The following ZNF853 variants were observed in gnomAD, a reference collection of about 807,000 sequenced individuals.
ZNF853 encodes zinc finger protein 853.
In ZNF853, 57 loss-of-function variants were observed where a neutral mutation model predicts 94.7. That is an observed-to-expected ratio of 0.60 (90% CI 0.49 to 0.75). The LOEUF (loss-of-function observed/expected upper bound fraction) is 0.75, where lower values mean the gene tolerates loss of function less well. ZNF853 is among the 30% of genes least tolerant of loss of function. The pLI is 0.00. For synonymous variants in ZNF853, 448 were observed against 406.3 expected (o/e 1.10, Z -1.23); for missense variants, 785 against 868.9 (o/e 0.90, Z 1.21).
chr7:6,623,542 T>C lies in ZNF853; in HGVS notation c.*571T>C, dbSNP rs1365913702. 5.1e-6 allele frequency: 2 copies of C among 391,380 alleles called. No homozygotes were observed. Among genetic ancestry groups the C allele is most frequent in the Non-Finnish European group, 9.0e-6 (2 of 222,122 alleles). The allele number at this position is 391,380 out of a possible 1,614,324, so 24.2% of individuals were successfully genotyped here. On this transcript the variant is annotated 3_prime_UTR_variant, in exon 3 of 3. Transcript: ENST00000457543. Reference sequence around the variant, plus strand: ...TTCATCAGGGTGGGTATAATTCTGATGAAAACGCCTGTGTTCATCAACACA... The same window carrying C: ...TTCATCAGGGTGGGTATAATTCTGACGAAAACGCCTGTGTTCATCAACACA...
rs766033324 is a variant in ZNF853, at chr7:6,621,736, C to G, written c.745C>G (p.Gln249Glu). Residue 249 changes from glutamine to glutamate, a missense_variant, in exon 3 of 3, where the codon CAG becomes GAG. Transcript: ENST00000457543. ...QQLLLLQQQG[Q>E]LQQQLLQQQQ... The stretch of plus-strand genomic sequence containing the variant: ...GCTACTATTGCTGCAGCAGCAGGGA[C>G]AGTTACAGCAGCAACTGTTGCAGCA... The G allele has an allele frequency of 1.3e-6, 2 of 1,550,754 alleles. No homozygotes were observed. Among genetic ancestry groups the G allele is most frequent in the Admixed American group, 2.0e-5 (1 of 51,008 alleles).
chr7:6,616,029 C>G lies in ZNF853; in HGVS notation c.-146C>G. On this transcript the variant is annotated 5_prime_UTR_variant, in exon 1 of 3. Coordinates refer to ENST00000457543, the MANE Select transcript of ZNF853 (RefSeq NM_017560.3). ...GAGGGCGTGGACCCTCCGGAGTGCCCAGAAAGCCCCCGGGGTGGCCCTGCG... is the reference window on the plus strand; with the variant it reads ...GAGGGCGTGGACCCTCCGGAGTGCCGAGAAAGCCCCCGGGGTGGCCCTGCG... The G allele has an allele frequency of 8.6e-6, 6 of 698,366 alleles. No homozygotes were observed. The South Asian group carries it at 1.1e-4, about 13-fold the overall frequency. 43.3% of individuals were successfully genotyped at this position (698,366 alleles called of 1,614,324 possible).
Position 6,622,552 on chromosome 7 carries a change from G to A in ZNF853, c.1561G>A (p.Gly521Ser), listed in dbSNP as rs1173601368. 3 of 1,554,862 alleles carry A rather than the reference G, an allele frequency of 1.9e-6. No individual in the cohort carries two copies. The highest frequency in any genetic ancestry group is 2.6e-6 in the Non-Finnish European group (3 of 1,150,232). Residue 521 changes from glycine to serine, a missense_variant, in exon 3 of 3, where the codon GGC (glycine) becomes AGC (serine). Gly to Ser is a moderately conservative substitution (Grantham distance 56, BLOSUM62 0). Transcript: ENST00000457543. ...ACACCGCTGCGGCGAGTGCGGCAAGGGCTTCTCGCAGCACTCGAATCTGGT... is the reference window on the plus strand; with the variant it reads ...ACACCGCTGCGGCGAGTGCGGCAAGAGCTTCTCGCAGCACTCGAATCTGGT... ...RPHRCGECGK[G>S]FSQHSNLVTH...
At position 6,622,230 on chromosome 7, in the gene ZNF853, G is replaced by A; in HGVS notation, c.1239G>A (p.Leu413=). Residue 413 remains leucine (L), a synonymous_variant, in exon 3 of 3, where the codon CTG becomes CTA. Coordinates refer to ENST00000457543, the MANE Select transcript of ZNF853 (RefSeq NM_017560.3). ...CCCCCGTGCAGCCGGAGCTGCAGCT[G>A]GAACTGGTGCCAGCCGCAGGGGGCG... The part of the protein sequence containing the change: ...ELTPVQPELQ[L]ELVPAAGGGG... The A allele has an allele frequency of 2.6e-6, 4 of 1,530,224 alleles. No homozygotes were observed. The highest frequency in any genetic ancestry group is 3.5e-6 in the Non-Finnish European group (4 of 1,142,118). 94.8% of individuals were successfully genotyped at this position (1,530,224 alleles called of 1,614,324 possible). A position where few individuals can be genotyped will look rare whatever the true frequency, so the allele number is the denominator to read the frequency against.
In ZNF853 at chr7:6,622,106, T is replaced by C; in HGVS notation, c.1115T>C (p.Leu372Pro). 2 of 1,544,880 alleles carry C rather than the reference T, an allele frequency of 1.3e-6. No individual in the cohort carries two copies. The highest frequency in any genetic ancestry group is 1.7e-6 in the Non-Finnish European group (2 of 1,146,210). ...QEELQQLEQQLEQQQQQLEQQ... is the reference protein window; with the variant it reads ...QEELQQLEQQPEQQQQQLEQQ... Reference sequence around the variant, plus strand: ...GAGCTGCAGCAGCTGGAGCAACAGCTGGAGCAGCAGCAGCAGCAGCTGGAG... The same window carrying C: ...GAGCTGCAGCAGCTGGAGCAACAGCCGGAGCAGCAGCAGCAGCAGCTGGAG... Residue 372 changes from leucine to proline, a missense_variant, in exon 3 of 3, where the codon CTG becomes CCG. Physicochemically the swap from Leu to Pro is moderately conservative, Grantham distance 98. Transcript: ENST00000457543.
rs1782638647 is a variant in ZNF853 at position 6,622,261 on chromosome 7, G to A, written c.1270G>A (p.Ala424Thr). Residue 424 changes from alanine (A) to threonine (T), a missense_variant, in exon 3 of 3, where the codon GCG becomes ACG. Physicochemically the swap from Ala to Thr is moderately conservative, Grantham distance 58. Coordinates refer to ENST00000457543, the MANE Select transcript of ZNF853 (RefSeq NM_017560.3). ...ELVPAAGGGG[A>T]AVPGAPAAVV... Reference sequence around the variant, plus strand: ...GGTGCCAGCCGCAGGGGGCGGCGGAGCGGCGGTCCCGGGGGCTCCGGCCGC... The same window carrying A: ...GGTGCCAGCCGCAGGGGGCGGCGGAACGGCGGTCCCGGGGGCTCCGGCCGC... 4.0e-6 allele frequency: 6 copies of A among 1,513,128 alleles called. No individual in the cohort carries two copies. Among genetic ancestry groups the A allele is most frequent in the Middle Eastern group, 4.7e-4 (2 of 4,262 alleles). The allele number at this position is 1,513,128 out of a possible 1,614,324, so 93.7% of individuals were successfully genotyped here.
At position 6,622,290 on chromosome 7, in the gene ZNF853, C is replaced by T. The variant is rs1782640579; in HGVS notation, c.1299C>T (p.Val433=). 1 of 1,504,936 alleles carries T rather than the reference C, an allele frequency of 6.6e-7. No homozygotes were observed. The highest frequency in any genetic ancestry group is 1.4e-5 in the African/African-American group (1 of 71,726). The allele number at this position is 1,504,936 out of a possible 1,614,324, so 93.2% of individuals were successfully genotyped here. A position where few individuals can be genotyped will look rare whatever the true frequency, so the allele number is the denominator to read the frequency against. Residue 433 remains valine (V), a synonymous_variant, in exon 3 of 3, where the codon GTC becomes GTT. Coordinates refer to ENST00000457543, the MANE Select transcript of ZNF853 (RefSeq NM_017560.3). ...GAAVPGAPAA[V]VVAPPGYVVV... is the part of the protein sequence containing the mutation. The stretch of plus-strand genomic sequence containing the variant: ...CGGTCCCGGGGGCTCCGGCCGCGGT[C>T]GTGGTGGCTCCCCCGGGCTACGTGG...
rs546121993 is a variant in ZNF853 at position 6,623,322 on chromosome 7, C to G, written c.*351C>G. On this transcript the variant is annotated 3_prime_UTR_variant, in exon 3 of 3. Coordinates refer to ENST00000457543, the MANE Select transcript of ZNF853 (RefSeq NM_017560.3). ...CCCAGTGGCGAGACGATTAATGACA[C>G]TGGCCGAGGACTGGACACCCACCAG... is the stretch of plus-strand genomic sequence containing the variant. 205 of 398,604 alleles carry G rather than the reference C, an allele frequency of 5.1e-4. No individual in the cohort carries two copies. Among genetic ancestry groups the G allele is most frequent in the Non-Finnish European group, 8.2e-4 (186 of 226,074 alleles). The allele number at this position is 398,604 out of a possible 1,614,324, so 24.7% of individuals were successfully genotyped here.
Position 6,619,774 on chromosome 7 carries a change from A to G in ZNF853, c.131-1348A>G. On this transcript the variant is annotated intron_variant, in intron 2 of 2. Coordinates refer to ENST00000457543, the MANE Select transcript of ZNF853 (RefSeq NM_017560.3). ...GATTGGGATTTTCCAGTAGCACAAT[A>G]GTAATACTCAAAACGAGAATCTCAT... is the stretch of plus-strand genomic sequence containing the variant. Among the ~76,000 whole-genome samples, 1,245 of 152,344 alleles carry G rather than the reference A, an allele frequency of 8.2e-3. 11 individuals are homozygous for G. The highest frequency in any genetic ancestry group is 0.012 in the Non-Finnish European group (818 of 68,026).
At chr7:6,618,071 G>A in intron 2 of ZNF853, among the ~76,000 whole-genome samples, 8 of 150,816 alleles carry the variant, frequency 5.3e-5, no homozygotes, top group East Asian at 4.0e-4. Context: ...AGGCCGAGGC[G>A]GGCAGATCAG....
At position 6,622,426 on chromosome 7, in the gene ZNF853, C is replaced by T. The variant is rs1207967872; in HGVS notation, c.1435C>T (p.Arg479Cys). 9 of 1,426,128 alleles carry T rather than the reference C, an allele frequency of 6.3e-6. No individual in the cohort carries two copies. The East Asian group carries it at 1.1e-4, about 18-fold the overall frequency. The allele number at this position is 1,426,128 out of a possible 1,614,324, so 88.3% of individuals were successfully genotyped here. A position where few individuals can be genotyped will look rare whatever the true frequency, so the allele number is the denominator to read the frequency against. ...CCCTGCACGGCAGCGGCGGCGGCGG[C>T]GCGCTCGGGACCGGCCGACCATCTG... ...LTPARQRRRRRARDRPTICGE... is the reference protein window; with the variant it reads ...LTPARQRRRRCARDRPTICGE... Residue 479 changes from arginine to cysteine, a missense_variant, in exon 3 of 3, where the codon CGC becomes TGC. Physicochemically the swap from Arg to Cys is radical, Grantham distance 180. Transcript: ENST00000457543.
In ZNF853 at chr7:6,621,236, C is replaced by G; in HGVS notation, c.245C>G (p.Thr82Ser). 3 of 1,546,790 alleles carry G rather than the reference C, an allele frequency of 1.9e-6. No individual in the cohort carries two copies. The highest frequency in any genetic ancestry group is 2.4e-5 in the South Asian group (2 of 83,450). The change falls in exon 3 of 3, where the codon ACC becomes AGC. Residue 82 changes from threonine (T) to serine (S), a missense_variant. By Grantham distance (58) the Thr-to-Ser change is moderately conservative. Transcript: ENST00000457543. Reference protein sequence around the residue: ...PVGASEIAEETRPGQRELQLQ... With the variant: ...PVGASEIAEESRPGQRELQLQ... ...GGGGCCAGTGAAATCGCTGAGGAAA[C>G]CCGGCCGGGACAACGAGAGTTGCAA...
In ZNF853 at chr7:6,621,988, C is replaced by G. The variant is rs1280376678; in HGVS notation, c.997C>G (p.Gln333Glu). 2.6e-6 allele frequency: 4 copies of G among 1,550,504 alleles called. No homozygotes were observed. Among genetic ancestry groups the G allele is most frequent in the Non-Finnish European group, 3.5e-6 (4 of 1,146,988 alleles). Reference sequence around the variant, plus strand: ...CATGCCGGTGGACCTGGGGTCAGAGCAGGAGCTGGAGCAGCAGCGGCAGGA... The same window carrying G: ...CATGCCGGTGGACCTGGGGTCAGAGGAGGAGCTGGAGCAGCAGCGGCAGGA... ...ELMPVDLGSE[Q>E]ELEQQRQELE... is the part of the protein sequence containing the mutation. The change falls in exon 3 of 3, where the codon CAG becomes GAG. Residue 333 changes from glutamine (Q) to glutamate (E), a missense_variant. Transcript: ENST00000457543.
In ZNF853 at chr7:6,622,969, T is replaced by G; in HGVS notation, c.1978T>G (p.Ter660GlyextTer3). The G allele has an allele frequency of 8.0e-7, 1 of 1,248,198 alleles. No homozygotes were observed. Among genetic ancestry groups the G allele is most frequent in the South Asian group, 3.5e-5 (1 of 28,968 alleles). The allele number at this position is 1,248,198 out of a possible 1,614,324, so 77.3% of individuals were successfully genotyped here. The change falls in exon 3 of 3, where the codon TGA (stop) becomes GGA (glycine). Residue 660 changes from the stop codon to glycine, a stop_lost. Coordinates refer to ENST00000457543, the MANE Select transcript of ZNF853 (RefSeq NM_017560.3). ...TATAPADKAL[*>G] ...CACTGCGCCCGCAGACAAGGCGCTG[T>G]GAGGGCCGTGATCGGGGCTGCCTGG...
chr7:6,615,996 G>C lies in ZNF853; in HGVS notation c.-179G>C. ...CTTCCCTTGGCCCAGGGCGACCTCG[G>C]CAGCCCAGAGGGCGTGGACCCTCCG... On this transcript the variant is annotated 5_prime_UTR_variant, in exon 1 of 3. Transcript: ENST00000457543. The surrounding 1 kb of genome is among the most constrained non-coding windows in gnomAD (Gnocchi z 8.5). The C allele has an allele frequency of 1.8e-6, 1 of 543,432 alleles. No individual in the cohort carries two copies. 33.7% of individuals were successfully genotyped at this position (543,432 alleles called of 1,614,324 possible).
At chr7:6,617,401 C>T in intron 2 of ZNF853, 94 bp downstream of exon 2, 1 of 1,044,014 alleles carries the variant, frequency 9.6e-7, no homozygotes, top group Non-Finnish European at 1.3e-6. Context: ...CACAGACTCA[C>T]ACCAGCCAAC....
At chr7:6,619,549 C>G in intron 2 of ZNF853, among the ~76,000 whole-genome samples, 27 of 152,070 alleles carry the variant, frequency 1.8e-4, no homozygotes, top group Non-Finnish European at 3.7e-4. Flanking sequence ...GGATTATAGG[C>G]GTGAGCCACC....
rs935984370 is a variant in ZNF853 at position 6,621,496 on chromosome 7, C to T, written c.505C>T (p.Arg169Trp). The T allele has an allele frequency of 1.6e-5, 25 of 1,551,808 alleles. No individual in the cohort carries two copies. The Middle Eastern group carries it at 5.0e-4, about 31-fold the overall frequency. The change falls in exon 3 of 3, where the codon CGG (arginine) becomes TGG (tryptophan). Residue 169 changes from arginine (R) to tryptophan (W), a missense_variant. By Grantham distance (101) the Arg-to-Trp change is moderately radical. Transcript: ENST00000457543. ...LQPQQVQEQQ[R>W]LQQQQEQLQT... ...GCCACAGCAAGTGCAAGAGCAACAG[C>T]GGTTGCAGCAGCAGCAGGAGCAGTT...
chr7:6,622,192 C>T lies in ZNF853; in HGVS notation c.1201C>T (p.Gln401Ter). Residue 401 changes from glutamine (Q) to a stop codon, truncating the protein, a stop_gained, in exon 3 of 3, where the codon CAG (glutamine) becomes TAG (stop). Coordinates refer to ENST00000457543, the MANE Select transcript of ZNF853 (RefSeq NM_017560.3). LOFTEE classifies it high-confidence loss of function. ...VELGAQQQEV[Q>*]LELTPVQPEL... ...GCTAGGCGCCCAGCAGCAGGAGGTG[C>T]AGCTGGAGCTGACCCCCGTGCAGCC... 1.9e-6 allele frequency: 3 copies of T among 1,539,624 alleles called. No homozygotes were observed.
Sources: gnomAD v4.1 joint callset for allele counts (sites outside exome capture counted in the v4.1 genomes callset) on GRCh38, gnomAD v4.1.1 for gene constraint, Gnocchi (gnomAD v3.1) non-coding constraint, MANE v1.5 for transcripts, NCBI Gene and HGNC (gene_info 2026-07-23, HGNC 2026-07-21) for gene names.